Variants in CHRDL1 observed in about 807,000 individuals in gnomAD.
CHRDL1 encodes the protein chordin like 1, also known as chordin-like protein 1.
Under a neutral mutation model 40.9 loss-of-function variants are expected in CHRDL1, and 19 were observed. The observed-to-expected ratio is 0.46, with a 90% confidence interval of 0.32 to 0.68. The LOEUF (loss-of-function observed/expected upper bound fraction) is 0.68. Among genes scored for constraint, CHRDL1 ranks in the 30% least tolerant of loss-of-function variants. CHRDL1 has a pLI of 0.03. For missense variants in CHRDL1, 329 were observed against 352.1 expected (o/e 0.93, Z 0.53); for synonymous variants, 136 against 123.4 (o/e 1.10, Z -0.68).
chrX:110,723,223 C>T (rs943291927), intron 4 of CHRDL1, among the ~76,000 whole-genome samples: 1 of 111,283 alleles, frequency 9.0e-6, no homozygotes, highest in Non-Finnish European at 1.9e-5. Context: ...TGCACTCCAG[C>T]CTGGGCGACA....
At chrX:110,714,944 C>T (rs1305579032) in intron 6 of CHRDL1, among the ~76,000 whole-genome samples, 3 of 111,453 alleles carry the variant, frequency 2.7e-5, no homozygotes, top group African/African-American at 9.8e-5. Context: ...CTAGGTGCTT[C>T]AAAAGTTAGA....
At chrX:110,690,152 T>A (rs1245653159) in intron 8 of CHRDL1, among the ~76,000 whole-genome samples, 12 of 100,986 alleles carry the variant, frequency 1.2e-4, no homozygotes, top group Non-Finnish European at 2.2e-4. Flanking sequence ...TTCACGCCAT[T>A]CTCCTGCCTC....
At chrX:110,696,742 C>T (rs1299725372) in intron 7 of CHRDL1, among the ~76,000 whole-genome samples, 1 of 111,175 alleles carries the variant, frequency 9.0e-6, no homozygotes, top group Admixed American at 9.6e-5. Context: ...ACCTGGGTCC[C>T]GCTCTGAGGT....
chrX:110,774,151 G>T (rs756909777), intron 2 of CHRDL1, among the ~76,000 whole-genome samples: 1 of 111,268 alleles, frequency 9.0e-6, no homozygotes, highest in East Asian at 2.8e-4. Flanking sequence ...AATTTTCCTT[G>T]TCCTAAAGTC....
chrX:110,773,426 G>A (rs1205390407), intron 2 of CHRDL1, among the ~76,000 whole-genome samples: 1 of 111,581 alleles, frequency 9.0e-6, no homozygotes, highest in African/African-American at 3.3e-5. Flanking sequence ...TTCCAGTATG[G>A]TGTAGAAGTA....
chrX:110,756,624 T>C (rs2089457948), intron 4 of CHRDL1, among the ~76,000 whole-genome samples: 1 of 111,228 alleles, frequency 9.0e-6, no homozygotes, highest in African/African-American at 3.3e-5. Flanking sequence ...TGACCTGGTT[T>C]AGAGCAAAGT....
At position 110,759,725 on chromosome X, in the gene CHRDL1, T is replaced by G. The variant is rs2089526926; in HGVS notation, c.237A>C (p.Arg79Ser). 1 of 1,203,251 alleles carries G rather than the reference T, an allele frequency of 8.3e-7. No homozygotes were observed. The highest frequency in any genetic ancestry group is 1.1e-6 in the Non-Finnish European group (1 of 888,005). Residue 79 changes from arginine to serine, a missense_variant, in exon 4 of 12, where the codon AGA becomes AGC. Arg to Ser is a moderately radical substitution (Grantham distance 110). Transcript: ENST00000372042. ...ENGNVLCSRV[R>S]CPNVHCLSPV... ...GAGAAAGGCAATGAACATTTGGACA[T>G]CTGACTCGGCTGCAAAGCACATTCC...
At chrX:110,771,334 A>G (rs777309914) in intron 2 of CHRDL1, among the ~76,000 whole-genome samples, 2 of 111,809 alleles carry the variant, frequency 1.8e-5, no homozygotes, top group Non-Finnish European at 3.8e-5. Context: ...CTGAATATTT[A>G]ATGCAAGCTT....
At chrX:110,701,395 T>C (rs150748269) in intron 6 of CHRDL1, among the ~76,000 whole-genome samples, 5,296 of 111,844 alleles carry the variant, frequency 0.047, 326 homozygotes, top group African/African-American at 0.16. Flanking sequence ...AAATGAGTAC[T>C]ATTTAAATTA....
chrX:110,749,163 T>C (rs992549707), intron 4 of CHRDL1, among the ~76,000 whole-genome samples: 4 of 111,346 alleles, frequency 3.6e-5, no homozygotes, highest in African/African-American at 1.3e-4. Context: ...ATATAAAAGG[T>C]ATGATAGTGA....
At chrX:110,783,549 T>C (rs1212044843) in intron 2 of CHRDL1, among the ~76,000 whole-genome samples, 1 of 112,031 alleles carries the variant, frequency 8.9e-6, no homozygotes. Flanking sequence ...CAATAACACA[T>C]AAAATCCCAG....
chrX:110,694,103 C>T, intron 8 of CHRDL1, 60 bp downstream of exon 8: 2 of 971,266 alleles, frequency 2.1e-6, no homozygotes, highest in South Asian at 4.3e-5. Context: ...TCCAGCCCTG[C>T]AAAGACCAGG....
chrX:110,787,881 T>C (rs1226616115), intron 2 of CHRDL1, among the ~76,000 whole-genome samples: 2 of 112,825 alleles, frequency 1.8e-5, no homozygotes, highest in Admixed American at 9.4e-5. Context: ...CTATTAGAAA[T>C]ACATAATTGA....
At chrX:110,689,739 A>ATATATATC (rs1334712002) in intron 8 of CHRDL1, among the ~76,000 whole-genome samples, 1 of 53,181 alleles carries the variant, frequency 1.9e-5, no homozygotes, top group Non-Finnish European at 2.8e-5. Context: ...CTATATATCT[A>ATATATATC]TATATATCTA....
chrX:110,733,931 CAAAAAAAAAAAAA>C (rs1172760631), intron 4 of CHRDL1, among the ~76,000 whole-genome samples: 6 of 12,127 alleles, frequency 4.9e-4, no homozygotes, highest in Non-Finnish European at 7.6e-4. Flanking sequence ...AACTCTGTCT[CAAAAAAAAAAAAA>C]AAAAAAAAAA....
chrX:110,762,666 G>T, intron 3 of CHRDL1, 29 bp downstream of exon 3: 1 of 876,729 alleles, frequency 1.1e-6, no homozygotes, highest in Non-Finnish European at 1.7e-6. Context: ...GGAGCAAACT[G>T]GGAAATCACA....
At chrX:110,786,795 A>G (rs2090023809) in intron 2 of CHRDL1, among the ~76,000 whole-genome samples, 1 of 112,414 alleles carries the variant, frequency 8.9e-6, no homozygotes, top group Admixed American at 9.4e-5. Flanking sequence ...AAAAATTTTT[A>G]GTCCTTGTCT....
Position 110,674,911 on chromosome X carries a change from G to A in CHRDL1, c.*1320C>T, listed in dbSNP as rs187211126. On this transcript the variant is annotated 3_prime_UTR_variant, in exon 12 of 12. Coordinates refer to ENST00000372042, the MANE Select transcript of CHRDL1 (RefSeq NM_001143981.2). ...CCCAGAATGGATAGTTTATGCTCTG[G>A]TATTGGGCTGCAAGTAGACATTTTA... 90 of 112,239 alleles carry A rather than the reference G, an allele frequency of 8.0e-4. No homozygotes were observed. Among genetic ancestry groups the A allele is most frequent in the African/African-American group, 2.8e-3 (88 of 30,920 alleles). 9.2% of individuals were successfully genotyped at this position (112,239 alleles called of 1,213,427 possible). A position where few individuals can be genotyped will look rare whatever the true frequency, so the allele number is the denominator to read the frequency against.
intron 2 of CHRDL1, among the ~76,000 whole-genome samples, chrX:110,781,654 G>T (rs1293478918): frequency 9.0e-6 from 1 of 111,100 alleles, no homozygotes; most frequent in Non-Finnish European, 1.9e-5. Context: ...CCACCGAAAA[G>T]ACTACTCAAG....
Sources: gnomAD v4.1 joint callset for allele counts (sites outside exome capture counted in the v4.1 genomes callset) on GRCh38, gnomAD v4.1.1 for gene constraint, MANE v1.5 for transcripts, NCBI Gene and HGNC (gene_info 2026-07-23, HGNC 2026-07-21) for gene names.